The following MCUR1 variants were observed in gnomAD, a reference collection of about 807,000 sequenced individuals.
The protein encoded by MCUR1 is MCU regulator 1.
A neutral mutation model predicts 42.0 loss-of-function variants in MCUR1; 37 were observed. The ratio of observed to expected loss-of-function variants is 0.88; its 90% CI spans 0.68 to 1.16. The LOEUF (loss-of-function observed/expected upper bound fraction) is 1.16, where lower values mean the gene tolerates loss of function less well. MCUR1 is among the 50% of genes most tolerant of loss of function. The pLI is 0.00. For synonymous variants in MCUR1, 229 were observed against 196.2 expected, an observed-to-expected ratio of 1.17 and a Z score of -1.40; for missense variants, 469 against 468.4, an observed-to-expected ratio of 1.00 and a Z score of -0.01.
At chr6:13,804,814 A>AAAAAAAG (rs1230089057) in intron 2 of MCUR1, among the ~76,000 whole-genome samples, 12 of 148,792 alleles carry the variant, frequency 8.1e-5, no homozygotes, top group African/African-American at 3.0e-4. Context: ...AAAAAAAAAA[A>AAAAAAAG]GTGGAAGTCT....
chr6:13,797,476 A>G (rs1759881648), intron 6 of MCUR1, among the ~76,000 whole-genome samples: 1 of 151,946 alleles, frequency 6.6e-6, no homozygotes, highest in Admixed American at 6.6e-5. Context: ...TGGAAGGCCG[A>G]GGTGGGCGGA....
chr6:13,813,854 GC>G (rs1316791103), intron 1 of MCUR1, among the ~76,000 whole-genome samples, 160 bp downstream of exon 1: 1 of 152,190 alleles, frequency 6.6e-6, no homozygotes, highest in Non-Finnish European at 1.5e-5. Context: ...AGCAGGGCGG[GC>G]CCGGACCTTC....
chr6:13,791,261 A>C (rs1759724158), intron 8 of MCUR1, among the ~76,000 whole-genome samples: 1 of 152,204 alleles, frequency 6.6e-6, no homozygotes, highest in Non-Finnish European at 1.5e-5. Context: ...AAAACTTTTC[A>C]ATAAAAGTTT....
At chr6:13,801,219 T>C (rs1759980287) in intron 4 of MCUR1, 69 bp downstream of exon 4, 1 of 1,033,084 alleles carries the variant, frequency 9.7e-7, no homozygotes, top group East Asian at 2.4e-5. Context: ...TGTGCTCTTT[T>C]ATGTGTATAT....
At position 13,790,847 on chromosome 6, in the gene MCUR1, G is replaced by C; in HGVS notation, c.1042C>G (p.Leu348Val). Residue 348 changes from leucine to valine, a missense_variant, in exon 9 of 9, where the codon CTA becomes GTA. By Grantham distance (32) the Leu-to-Val change is conservative (BLOSUM62 1). Coordinates refer to ENST00000379170, the MANE Select transcript of MCUR1 (RefSeq NM_001031713.4). ...KYLAGSIFTC[L>V]TVALGFYRLW... ...CGATAAAATCCCAGAGCTACTGTTAGGCACGTAAATATAGACCCTGTAAGA... is the reference window on the plus strand; with the variant it reads ...CGATAAAATCCCAGAGCTACTGTTACGCACGTAAATATAGACCCTGTAAGA... 1 of 1,611,414 alleles carries C rather than the reference G, an allele frequency of 6.2e-7. No homozygotes were observed. The highest frequency in any genetic ancestry group is 8.5e-7 in the Non-Finnish European group (1 of 1,177,974).
intron 7 of MCUR1, 106 bp from the exon 8 acceptor site, chr6:13,792,098 A>C: frequency 1.3e-6 from 1 of 780,694 alleles, no homozygotes; most frequent in African/African-American, 1.7e-5. Context: ...AACCTGGGTA[A>C]GACTATGGAG....
chr6:13,794,978 G>C (rs534047327), intron 6 of MCUR1, among the ~76,000 whole-genome samples: 1 of 152,078 alleles, frequency 6.6e-6, no homozygotes, highest in African/African-American at 2.4e-5. Context: ...AGATTTAATT[G>C]AGCATATGAC....
intron 2 of MCUR1, among the ~76,000 whole-genome samples, chr6:13,805,831 C>A (rs1236531107): frequency 1.3e-5 from 2 of 152,128 alleles, no homozygotes; most frequent in Admixed American, 1.3e-4. Context: ...GTGTATTTGT[C>A]TAAATATGAT....
Position 13,802,278 on chromosome 6 carries a change from T to C in MCUR1, c.604A>G (p.Ile202Val). Reference sequence around the variant, plus strand: ...TTGGTGACCATATCTTTGTAGACGATGTCCATGTTGGCCTCCAGGATCTTG... The same window carrying C: ...TTGGTGACCATATCTTTGTAGACGACGTCCATGTTGGCCTCCAGGATCTTG... ...LVKILEANMDIVYKDMVTKMQ... is the reference protein window; with the variant it reads ...LVKILEANMDVVYKDMVTKMQ... The change falls in exon 3 of 9, where the codon ATC becomes GTC. Residue 202 changes from isoleucine (I) to valine (V), a missense_variant. Ile to Val is a conservative substitution (Grantham distance 29, BLOSUM62 3). Transcript: ENST00000379170. 6.2e-7 allele frequency: 1 copy of C among 1,614,028 alleles called. No individual in the cohort carries two copies. Among genetic ancestry groups the C allele is most frequent in the Non-Finnish European group, 8.5e-7 (1 of 1,179,914 alleles).
Position 13,814,260 on chromosome 6 carries a change from G to A in MCUR1, c.170C>T (p.Pro57Leu). 1 of 1,474,984 alleles carries A rather than the reference G, an allele frequency of 6.8e-7. No individual in the cohort carries two copies. The highest frequency in any genetic ancestry group is 8.9e-7 in the Non-Finnish European group (1 of 1,120,592). The allele number at this position is 1,474,984 out of a possible 1,614,324, so 91.4% of individuals were successfully genotyped here. A position where few individuals can be genotyped will look rare whatever the true frequency, so the allele number is the denominator to read the frequency against. Residue 57 changes from proline (P) to leucine (L), a missense_variant, in exon 1 of 9, where the codon CCG becomes CTG. By Grantham distance (98) the Pro-to-Leu change is moderately conservative (BLOSUM62 -3). Transcript: ENST00000379170. ...ACGTGACACGCCGCCGCGGGCCGCC[G>A]GGGCGCGAGGGCGCAGCGCCCCCAG... Reference protein sequence around the residue: ...DGLGALRPRAPAARGGVSRAS... With the variant: ...DGLGALRPRALAARGGVSRAS...
chr6:13,792,411 C>A (rs1204275254), intron 7 of MCUR1, among the ~76,000 whole-genome samples: 2 of 152,174 alleles, frequency 1.3e-5, no homozygotes, highest in African/African-American at 4.8e-5. Flanking sequence ...CAAAGATAGA[C>A]AGTAAACTCA....
rs1377200101 is a variant in MCUR1, at chr6:13,814,291, C to T, written c.139G>A (p.Asp47Asn). 5.3e-6 allele frequency: 8 copies of T among 1,498,884 alleles called. No individual in the cohort carries two copies. The highest frequency in any genetic ancestry group is 6.2e-6 in the Non-Finnish European group (7 of 1,130,384). 92.8% of individuals were successfully genotyped at this position (1,498,884 alleles called of 1,614,324 possible). A position where few individuals can be genotyped will look rare whatever the true frequency, so the allele number is the denominator to read the frequency against. ...CGAGGGCGCAGCGCCCCCAGACCGT[C>T]GGAGAGCGCAGAGAGGCAGCGGCGT... ...SARRCLSALS[D>N]GLGALRPRAP... Residue 47 changes from aspartate (D) to asparagine (N), a missense_variant, in exon 1 of 9, where the codon GAC (aspartate) becomes AAC (asparagine). Physicochemically the swap from Asp to Asn is conservative, Grantham distance 23. Coordinates refer to ENST00000379170, the MANE Select transcript of MCUR1 (RefSeq NM_001031713.4).
rs1759960663 is a variant in MCUR1 at position 13,800,228 on chromosome 6, C to T, written c.783+113G>A. 5.5e-5 allele frequency: 40 copies of T among 727,206 alleles called. No homozygotes were observed. The South Asian group carries it at 7.4e-4, about 13-fold the overall frequency. 45.0% of individuals were successfully genotyped at this position (727,206 alleles called of 1,614,324 possible). A position where few individuals can be genotyped will look rare whatever the true frequency, so the allele number is the denominator to read the frequency against. ...CAATGTGTACTTTTGAGGCATATTACACAAACATTTCACAAAGAATTAAGT... is the reference window on the plus strand; with the variant it reads ...CAATGTGTACTTTTGAGGCATATTATACAAACATTTCACAAAGAATTAAGT... On this transcript the variant is annotated intron_variant, in intron 5 of 8. Transcript: ENST00000379170.
At position 13,796,939 on chromosome 6, in the gene MCUR1, T is replaced by C. The variant is rs563436078; in HGVS notation, c.855+1894A>G. The stretch of plus-strand genomic sequence containing the variant: ...TAAAGGTAACCAAAAGAGTTTCTCC[T>C]CTTCCAGACACCAGTGACATGCTAT... On this transcript the variant is annotated intron_variant, in intron 6 of 8. Transcript: ENST00000379170. 6.6e-5 allele frequency among the ~76,000 whole-genome samples: 10 copies of C among 152,274 alleles called. No homozygotes were observed. In the South Asian group the frequency reaches 2.1e-3, roughly 32 times the overall value.
rs1759660722 is a variant in MCUR1, at chr6:13,788,778, T to TA, written c.*2030dup. ...AATTTTTGATCTACTTGAAAAAGATTAAATTATAATATTTCACTTTGAAAC... is the reference window on the plus strand; with the variant it reads ...AATTTTTGATCTACTTGAAAAAGATTAAAATTATAATATTTCACTTTGAAAC... On this transcript the variant is annotated 3_prime_UTR_variant, in exon 9 of 9. Coordinates refer to ENST00000379170, the MANE Select transcript of MCUR1 (RefSeq NM_001031713.4). 3 of 152,210 alleles carry TA rather than the reference T, an allele frequency of 2.0e-5. No individual in the cohort carries two copies. The highest frequency in any genetic ancestry group is 6.6e-5 in the Admixed American group (1 of 15,262). 9.4% of individuals were successfully genotyped at this position (152,210 alleles called of 1,614,324 possible). A position where few individuals can be genotyped will look rare whatever the true frequency, so the allele number is the denominator to read the frequency against.
Position 13,800,334 on chromosome 6 carries a change from A to G in MCUR1, c.783+7T>C. The G allele has an allele frequency of 6.4e-7, 1 of 1,562,546 alleles. No homozygotes were observed. Among genetic ancestry groups the G allele is most frequent in the African/African-American group, 1.4e-5 (1 of 73,058 alleles). On this transcript the variant is annotated splice_region_variant and intron_variant, in intron 5 of 8. Transcript: ENST00000379170. The stretch of plus-strand genomic sequence containing the variant: ...AACCAGCCAACAAACAGGAAAGTGA[A>G]TCTTACCATTACTTGTTGTTTTAAC...
intron 1 of MCUR1, among the ~76,000 whole-genome samples, chr6:13,808,035 A>C (rs1760149922): frequency 6.6e-6 from 1 of 152,152 alleles, no homozygotes; most frequent in Non-Finnish European, 1.5e-5. Flanking sequence ...TGGGTCCTTT[A>C]AGGGATGATG....
At chr6:13,813,177 G>A (rs544963452) in intron 1 of MCUR1, among the ~76,000 whole-genome samples, 40 of 152,312 alleles carry the variant, frequency 2.6e-4, no homozygotes, top group African/African-American at 9.6e-4. Context: ...CCAGGTTTGT[G>A]TAAGCACACT....
At position 13,800,415 on chromosome 6, in the gene MCUR1, G is replaced by A. The variant is rs1554115050; in HGVS notation, c.742-33C>T. Reference sequence around the variant, plus strand: ...CACATAAAAAAAAAGTCATTAGAAAGAACAACATAAAACGTAGTAACCAAC... The same window carrying A: ...CACATAAAAAAAAAGTCATTAGAAAAAACAACATAAAACGTAGTAACCAAC... On this transcript the variant is annotated intron_variant, in intron 4 of 8. Coordinates refer to ENST00000379170, the MANE Select transcript of MCUR1 (RefSeq NM_001031713.4). 1.2e-5 allele frequency: 15 copies of A among 1,264,458 alleles called. No homozygotes were observed. In the South Asian group the frequency reaches 1.5e-4, roughly 12 times the overall value. 78.3% of individuals were successfully genotyped at this position (1,264,458 alleles called of 1,614,324 possible).
Sources: allele counts gnomAD v4.1 joint callset (sites outside exome capture counted in the v4.1 genomes callset), GRCh38; gene constraint gnomAD v4.1.1; transcripts MANE v1.5; gene names NCBI Gene and HGNC (gene_info 2026-07-23, HGNC 2026-07-21).